The following DPYSL2 variants were observed in gnomAD, a reference collection of about 807,000 sequenced individuals.
DPYSL2 encodes dihydropyrimidinase like 2, also known as dihydropyrimidinase-related protein 2.
In DPYSL2, 13 loss-of-function variants were observed where a neutral mutation model predicts 69.9. The ratio of observed to expected loss-of-function variants is 0.19; its 90% CI spans 0.12 to 0.30. The LOEUF is 0.30. Ranked by LOEUF, DPYSL2 falls within the 10% of genes least tolerant of loss-of-function variation. DPYSL2 has a pLI of 1.00. For missense variants in DPYSL2, 587 were observed against 918.9 expected, an observed-to-expected ratio of 0.64 and a Z score of 4.67; for synonymous variants, 326 against 359.1, an observed-to-expected ratio of 0.91 and a Z score of 1.04.
intron 1 of DPYSL2, among the ~76,000 whole-genome samples, chr8:26,521,017 G>C (rs1451587232): frequency 6.6e-6 from 1 of 152,050 alleles, no homozygotes; most frequent in Non-Finnish European, 1.5e-5. Flanking sequence ...TAGGGGTTAG[G>C]ATTTCAACAC....
At chr8:26,547,775 A>G in intron 1 of DPYSL2, 1 of 319,830 alleles carries the variant, frequency 3.1e-6, no homozygotes, top group Non-Finnish European at 6.5e-6. Flanking sequence ...TTCAGGCAAA[A>G]TCTTTTCCAG....
intron 7 of DPYSL2, among the ~76,000 whole-genome samples, chr8:26,631,854 C>T (rs1802783597): frequency 6.6e-6 from 1 of 152,166 alleles, no homozygotes; most frequent in Admixed American, 6.5e-5. Context: ...GCTGACGTCT[C>T]CTCTCATGGT....
intron 1 of DPYSL2, among the ~76,000 whole-genome samples, chr8:26,566,747 A>G (rs1174745640): frequency 6.6e-6 from 1 of 152,184 alleles, no homozygotes; most frequent in African/African-American, 2.4e-5. Context: ...TTTAGACTCA[A>G]GTCCCAGTGA....
intron 8 of DPYSL2, among the ~76,000 whole-genome samples, chr8:26,638,540 CCTGAGAGACACG>C (rs1016881983): frequency 2.0e-5 from 3 of 152,236 alleles, no homozygotes; most frequent in East Asian, 1.9e-4. Flanking sequence ...TCCTGCCTTC[CCTGAGAGACACG>C]CTGAGAGACA....
At chr8:26,575,270 T>C (rs1298597767) in intron 1 of DPYSL2, among the ~76,000 whole-genome samples, 1 of 152,184 alleles carries the variant, frequency 6.6e-6, no homozygotes, top group Non-Finnish European at 1.5e-5. Context: ...ATTACAGGTG[T>C]GAGCCACTGT....
rs753995789 is a variant in DPYSL2, at chr8:26,624,322, G to A, written c.793+15G>A. On this transcript the variant is annotated intron_variant, in intron 4 of 13. Coordinates refer to ENST00000521913, the MANE Select transcript of DPYSL2 (RefSeq NM_001197293.3). The surrounding 1 kb of genome is among the most constrained non-coding windows in gnomAD (Gnocchi z 4.7). Reference sequence around the variant, plus strand: ...GAAGGATCACGGTAGGTTGCACTGAGTCAATGCCCTCTGCAGATGTTTCCG... The same window carrying A: ...GAAGGATCACGGTAGGTTGCACTGAATCAATGCCCTCTGCAGATGTTTCCG... The A allele has an allele frequency of 6.2e-6, 10 of 1,613,066 alleles. No homozygotes were observed. The South Asian group carries it at 6.6e-5, about 11-fold the overall frequency.
In DPYSL2 at chr8:26,586,512, T is replaced by A; in HGVS notation, c.628+2529T>A. On this transcript the variant is annotated intron_variant, in intron 3 of 13. Coordinates refer to ENST00000521913, the MANE Select transcript of DPYSL2 (RefSeq NM_001197293.3). This position sits in a 1 kb window ranked among gnomAD's most constrained non-coding sequence, Gnocchi z 4.7. The stretch of plus-strand genomic sequence containing the variant: ...CTCTTCCCTCCACACGCTCGCCCCG[T>A]GCTTAGGCCCCCACTCTTGTTCTTG... 6.6e-6 allele frequency among the ~76,000 whole-genome samples: 1 copy of A among 152,314 alleles called. No homozygotes were observed. The highest frequency in any genetic ancestry group is 2.1e-4 in the South Asian group (1 of 4,824).
In DPYSL2 at chr8:26,516,534, A is replaced by G. The variant is rs982866988; in HGVS notation, c.354+1855A>G. Among the ~76,000 whole-genome samples the G allele has an allele frequency of 9.2e-5, 14 of 152,234 alleles. No individual in the cohort carries two copies. The highest frequency in any genetic ancestry group is 5.2e-4 in the Admixed American group (8 of 15,290). On this transcript the variant is annotated intron_variant, in intron 1 of 13. Coordinates refer to ENST00000521913, the MANE Select transcript of DPYSL2 (RefSeq NM_001197293.3). The surrounding 1 kb of genome is among the most constrained non-coding windows in gnomAD (Gnocchi z 4.8). ...ATCATGAATTAGAACTCAAGTTTGA[A>G]AGGCATAGTTTTATCGGGTTGAATA... is the stretch of plus-strand genomic sequence containing the variant.
intron 1 of DPYSL2, among the ~76,000 whole-genome samples, chr8:26,568,457 A>G (rs1387004241): frequency 2.0e-5 from 3 of 152,210 alleles, no homozygotes; most frequent in Non-Finnish European, 4.4e-5. Context: ...TCACTCCTTG[A>G]AAACAAACAG....
chr8:26,569,873 T>C (rs1464345058), intron 1 of DPYSL2, among the ~76,000 whole-genome samples: 2 of 151,888 alleles, frequency 1.3e-5, no homozygotes, highest in Non-Finnish European at 2.9e-5. Flanking sequence ...ATGAGAGAGC[T>C]TGGGGACGTA....
At chr8:26,581,752 C>T (rs549745807) in intron 1 of DPYSL2, among the ~76,000 whole-genome samples, 14 of 151,436 alleles carry the variant, frequency 9.2e-5, no homozygotes, top group African/African-American at 3.2e-4. Context: ...AGAGATGGTT[C>T]GTTTATCTAG....
In DPYSL2 at chr8:26,514,495, T is replaced by TGGGCCG; in HGVS notation, c.175_180dup (p.Arg59_Gly60dup). 1 of 1,528,920 alleles carries TGGGCCG rather than the reference T, an allele frequency of 6.5e-7. No homozygotes were observed. The highest frequency in any genetic ancestry group is 8.7e-7 in the Non-Finnish European group (1 of 1,144,454). 94.7% of individuals were successfully genotyped at this position (1,528,920 alleles called of 1,614,324 possible). On this transcript the variant is annotated inframe_insertion, in exon 1 of 14. Transcript: ENST00000521913. The surrounding 1 kb of genome is among the most constrained non-coding windows in gnomAD (Gnocchi z 8.4). ...ACCATCGACTTCGACTCGCTGTCGG[T>TGGGCCG]GGGCCGGGGCTCGGGGCAGGTGGTG...
intron 8 of DPYSL2, chr8:26,637,883 G>A (rs1802955454): frequency 6.6e-6 from 1 of 152,276 alleles, no homozygotes; most frequent in African/African-American, 2.4e-5. Flanking sequence ...GAGATGAGAA[G>A]CGTGACCAGT....
chr8:26,578,352 T>G (rs1458460662), intron 1 of DPYSL2: 1 of 1,604,096 alleles, frequency 6.2e-7, no homozygotes, highest in Non-Finnish European at 8.5e-7. Flanking sequence ...GCACAGAAGG[T>G]CTAAGGAATT....
At chr8:26,523,078 A>G (rs1035750227) in intron 1 of DPYSL2, among the ~76,000 whole-genome samples, 37 of 152,076 alleles carry the variant, frequency 2.4e-4, no homozygotes, top group African/African-American at 7.9e-4. Context: ...TGATTCTTCT[A>G]TCTGAAGATC....
intron 11 of DPYSL2, among the ~76,000 whole-genome samples, chr8:26,651,393 C>A (rs1005733805): frequency 1.3e-5 from 2 of 152,186 alleles, no homozygotes; most frequent in African/African-American, 2.4e-5. Context: ...CTGAACTTTC[C>A]CAGAAGCCCA....
chr8:26,575,653 G>C (rs1222278598), intron 1 of DPYSL2, among the ~76,000 whole-genome samples: 1 of 152,174 alleles, frequency 6.6e-6, no homozygotes, highest in Non-Finnish European at 1.5e-5. Flanking sequence ...AAGCCAATGA[G>C]ACAGACACAA....
chr8:26,562,511 A>G lies in DPYSL2; in HGVS notation c.355-19458A>G, dbSNP rs1019270607. 3.3e-5 allele frequency among the ~76,000 whole-genome samples: 5 copies of G among 152,170 alleles called. No homozygotes were observed. Among genetic ancestry groups the G allele is most frequent in the Admixed American group, 2.6e-4 (4 of 15,276 alleles). On this transcript the variant is annotated intron_variant, in intron 1 of 13. Transcript: ENST00000521913. This position sits in a 1 kb window ranked among gnomAD's most constrained non-coding sequence, Gnocchi z 4.9. ...ACCACCACACTACAGCTGGAATAAT[A>G]TATAAAAAGTATTGGTCAGATTTTG...
chr8:26,656,604 C>A lies in DPYSL2; in HGVS notation c.*898C>A, dbSNP rs1257451338. 1.3e-5 allele frequency: 2 copies of A among 152,608 alleles called. No individual in the cohort carries two copies. The highest frequency in any genetic ancestry group is 4.8e-5 in the African/African-American group (2 of 41,418). The allele number at this position is 152,608 out of a possible 1,614,324, so 9.5% of individuals were successfully genotyped here. The stretch of plus-strand genomic sequence containing the variant: ...CCTTGCCCCATTATCTTTTCACCTC[C>A]CAGGTCTACCATTTCATGGTGGTCG... On this transcript the variant is annotated 3_prime_UTR_variant, in exon 14 of 14. Coordinates refer to ENST00000521913, the MANE Select transcript of DPYSL2 (RefSeq NM_001197293.3).
Sources: allele counts gnomAD v4.1 joint callset (sites outside exome capture counted in the v4.1 genomes callset), GRCh38; gene constraint gnomAD v4.1.1; non-coding constraint Gnocchi (gnomAD v3.1); transcripts MANE v1.5; gene names NCBI Gene and HGNC (gene_info 2026-07-23, HGNC 2026-07-21).